Variants in TAOK3 observed in about 807,000 individuals in gnomAD.
TAOK3 encodes serine/threonine-protein kinase TAO3.
TAOK3 carries 40 observed loss-of-function variants against 120.4 expected under a neutral mutation model. The ratio of observed to expected loss-of-function variants is 0.33; its 90% CI spans 0.26 to 0.43. TAOK3 has a LOEUF of 0.43. TAOK3 is among the 20% of genes least tolerant of loss of function. The pLI is 1.00. For missense variants in TAOK3, 821 were observed against 1,112.1 expected (o/e 0.74, Z 3.72); for synonymous variants, 355 against 387.5 (o/e 0.92, Z 0.99).
chr12:118,228,310 C>T (rs1011038322), intron 9 of TAOK3, among the ~76,000 whole-genome samples: 5 of 151,876 alleles, frequency 3.3e-5, no homozygotes, highest in African/African-American at 9.7e-5. Flanking sequence ...CACCACCATG[C>T]CCAGCTAATT....
chr12:118,323,179 A>G (rs900216321), intron 1 of TAOK3, among the ~76,000 whole-genome samples: 1 of 152,202 alleles, frequency 6.6e-6, no homozygotes, highest in African/African-American at 2.4e-5. Flanking sequence ...GGCTTGTCCT[A>G]TTGTGTAGTA....
intron 11 of TAOK3, among the ~76,000 whole-genome samples, chr12:118,211,560 T>C (rs1182304036): frequency 1.3e-5 from 2 of 152,108 alleles, no homozygotes; most frequent in Non-Finnish European, 2.9e-5. Context: ...TTATATCCTT[T>C]TGTTGTCTGT....
chr12:118,196,196 A>G (rs2037720931), intron 13 of TAOK3, among the ~76,000 whole-genome samples: 1 of 152,004 alleles, frequency 6.6e-6, no homozygotes, highest in Non-Finnish European at 1.5e-5. Flanking sequence ...TCAAAGGAAA[A>G]TTTTCAGTGT....
intron 5 of TAOK3, among the ~76,000 whole-genome samples, chr12:118,240,109 C>T (rs58340234): frequency 0.02 from 3,084 of 151,584 alleles, 106 homozygotes; most frequent in African/African-American, 0.071. Context: ...TGGAGGCTAT[C>T]GATAGTTATT....
chr12:118,153,484 G>A (rs904487219), intron 19 of TAOK3, among the ~76,000 whole-genome samples: 1 of 152,174 alleles, frequency 6.6e-6, no homozygotes, highest in African/African-American at 2.4e-5. Flanking sequence ...TTGAAGCAGT[G>A]CCTGAACTTT....
At chr12:118,253,879 T>C (rs1198731484) in intron 3 of TAOK3, among the ~76,000 whole-genome samples, 2 of 151,992 alleles carry the variant, frequency 1.3e-5, no homozygotes, top group Middle Eastern at 3.2e-3. Context: ...TGAAACCCGG[T>C]CTCTACTAAA....
chr12:118,194,433 A>G lies in TAOK3; in HGVS notation c.1195-4492T>C, dbSNP rs192694788. Among the ~76,000 whole-genome samples, 107 of 152,222 alleles carry G rather than the reference A, an allele frequency of 7.0e-4. 1 individual carries two copies. The Middle Eastern group carries it at 0.014, about 19-fold the overall frequency. ...GAGGAGAAAGACGTTACTACAGAGAAGTGTTGTATGACTGCTCTGTTTAAG... is the reference window on the plus strand; with the variant it reads ...GAGGAGAAAGACGTTACTACAGAGAGGTGTTGTATGACTGCTCTGTTTAAG... On this transcript the variant is annotated intron_variant, in intron 13 of 20. Transcript: ENST00000392533.
rs540584031 is a variant in TAOK3, at chr12:118,371,030, C to T, written c.-194+1618G>A. Reference sequence around the variant, plus strand: ...AGTTTGACCTTCCAACTATCTCCAACAGATCAAAGTTAAACAGTCCAGATT... The same window carrying T: ...AGTTTGACCTTCCAACTATCTCCAATAGATCAAAGTTAAACAGTCCAGATT... On this transcript the variant is annotated intron_variant, in intron 1 of 20. Coordinates refer to ENST00000392533, the MANE Select transcript of TAOK3 (RefSeq NM_016281.4). The surrounding 1 kb of genome is among the most constrained non-coding windows in gnomAD (Gnocchi z 5.5). Among the ~76,000 whole-genome samples, 9 of 152,210 alleles carry T rather than the reference C, an allele frequency of 5.9e-5. No homozygotes were observed. Among genetic ancestry groups the T allele is most frequent in the Non-Finnish European group, 1.3e-4 (9 of 68,038 alleles).
intron 1 of TAOK3, among the ~76,000 whole-genome samples, chr12:118,342,013 ACT>A (rs1301563047): frequency 2.0e-5 from 3 of 152,134 alleles, no homozygotes; most frequent in African/African-American, 4.8e-5. Flanking sequence ...ACAGAGTGAG[ACT>A]CTGTCTCAAA....
At chr12:118,218,619 T>A (rs2039061446) in intron 9 of TAOK3, among the ~76,000 whole-genome samples, 1 of 152,192 alleles carries the variant, frequency 6.6e-6, no homozygotes, top group African/African-American at 2.4e-5. Flanking sequence ...CATTTTCTTG[T>A]CATTATTTCC....
chr12:118,276,974 C>T (rs770370849), intron 1 of TAOK3, among the ~76,000 whole-genome samples: 3 of 152,214 alleles, frequency 2.0e-5, no homozygotes, highest in Non-Finnish European at 4.4e-5. Flanking sequence ...CACTGCACTC[C>T]AGCCTGGGCA....
chr12:118,179,603 TA>T (rs2036563457), intron 15 of TAOK3, among the ~76,000 whole-genome samples: 1 of 148,556 alleles, frequency 6.7e-6, no homozygotes, highest in Non-Finnish European at 1.5e-5. Flanking sequence ...ATAATAATAA[TA>T]AAAAAAGATG....
Position 118,161,334 on chromosome 12 carries a change from T to C in TAOK3, c.2139+454A>G, listed in dbSNP as rs960238587. Among the ~76,000 whole-genome samples, 1 of 152,216 alleles carries C rather than the reference T, an allele frequency of 6.6e-6. No homozygotes were observed. The highest frequency in any genetic ancestry group is 1.9e-4 in the East Asian group (1 of 5,194). On this transcript the variant is annotated intron_variant, in intron 18 of 20. Coordinates refer to ENST00000392533, the MANE Select transcript of TAOK3 (RefSeq NM_016281.4). The surrounding 1 kb of genome is among the most constrained non-coding windows in gnomAD (Gnocchi z 4.5). ...AGAAGTGGTAAATGCCTGGCACTTA[T>C]AGATTCATTCCTGATGACCATGACA...
intron 1 of TAOK3, among the ~76,000 whole-genome samples, chr12:118,327,166 G>C (rs1000781360): frequency 2.0e-5 from 3 of 152,096 alleles, no homozygotes; most frequent in East Asian, 1.9e-4. Context: ...CCCTGCATCT[G>C]GTTTTAATAA....
chr12:118,262,221 T>C (rs895481962), intron 2 of TAOK3, among the ~76,000 whole-genome samples: 4 of 152,008 alleles, frequency 2.6e-5, no homozygotes, highest in Non-Finnish European at 5.9e-5. Context: ...CGGTGGCTCA[T>C]GTCTGTAATC....
chr12:118,246,393 G>A (rs1216668354), intron 3 of TAOK3: 5 of 1,568,428 alleles, frequency 3.2e-6, no homozygotes, highest in Non-Finnish European at 4.3e-6. Context: ...CTCTCTCAAG[G>A]ATGAGGTTTT....
At chr12:118,280,218 G>A (rs939858205) in intron 1 of TAOK3, among the ~76,000 whole-genome samples, 2 of 151,936 alleles carry the variant, frequency 1.3e-5, no homozygotes, top group Non-Finnish European at 2.9e-5. Flanking sequence ...GCGCCACTAC[G>A]CCCAGCTAAT....
intron 13 of TAOK3, among the ~76,000 whole-genome samples, chr12:118,193,856 G>A (rs1395754788): frequency 6.6e-6 from 1 of 152,166 alleles, no homozygotes; most frequent in Non-Finnish European, 1.5e-5. Flanking sequence ...ACACTTACTT[G>A]TCTGCCTCTG....
intron 1 of TAOK3, among the ~76,000 whole-genome samples, chr12:118,326,917 T>C (rs2043958449): frequency 6.6e-6 from 1 of 152,214 alleles, no homozygotes; most frequent in South Asian, 2.1e-4. Flanking sequence ...AACTATTGTG[T>C]ATTCTTCAGA....
Sources: gnomAD v4.1 joint callset for allele counts (sites outside exome capture counted in the v4.1 genomes callset) on GRCh38, gnomAD v4.1.1 for gene constraint, Gnocchi (gnomAD v3.1) non-coding constraint, MANE v1.5 for transcripts, NCBI Gene and HGNC (gene_info 2026-07-23, HGNC 2026-07-21) for gene names.